ANKLE2: variants seen among roughly 807,000 people sequenced by gnomAD.
ANKLE2 encodes ankyrin repeat and LEM domain-containing protein 2.
A neutral mutation model predicts 84.2 loss-of-function variants in ANKLE2; 55 were observed. The ratio of observed to expected loss-of-function variants is 0.65; its 90% CI spans 0.53 to 0.82. The LOEUF (loss-of-function observed/expected upper bound fraction) is 0.82, where lower values mean the gene tolerates loss of function less well. Among genes scored for constraint, ANKLE2 ranks in the 40% least tolerant of loss-of-function variants. The pLI is 0.00. For synonymous variants in ANKLE2, 551 were observed against 486.1 expected (o/e 1.13, Z -1.76); for missense variants, 1,238 against 1,201.9 (o/e 1.03, Z -0.44).
chr12:132,755,095 G>T lies in ANKLE2; in HGVS notation c.220C>A (p.Leu74Ile), dbSNP rs764762501. ...TMDALLARLK[L>I]LNPDDLREEI... ...TCTCTAAGGTCATCTGGATTCAGAA[G>T]TTTCAATCGAGCCAACAGAGCATCC... The change falls in exon 2 of 13, where the codon CTT (leucine) becomes ATT (isoleucine). Residue 74 changes from leucine (L) to isoleucine (I), a missense_variant. Leu to Ile is a conservative substitution (Grantham distance 5). Transcript: ENST00000357997. 6 of 1,611,368 alleles carry T rather than the reference G, an allele frequency of 3.7e-6. No homozygotes were observed. Among genetic ancestry groups the T allele is most frequent in the Non-Finnish European group, 3.4e-6 (4 of 1,179,766 alleles).
In ANKLE2 at chr12:132,729,753, C is replaced by T. The variant is rs572111545; in HGVS notation, c.2409G>A (p.Leu803=). 1.2e-6 allele frequency: 2 copies of T among 1,611,770 alleles called. No individual in the cohort carries two copies. The highest frequency in any genetic ancestry group is 1.3e-5 in the African/African-American group (1 of 74,424). ...EMSARIAKMS[L]SPSSPRHEDQ... is the part of the protein sequence containing the mutation. ...CCTCGTGCCTGGGGCTGCTGGGACT[C>T]AAGGACATTTTAGCGATCCTGGCTG... is the stretch of plus-strand genomic sequence containing the variant. The change falls in exon 11 of 13, where the codon TTG becomes TTA. Residue 803 remains leucine (L), a synonymous_variant. Transcript: ENST00000357997.
At position 132,747,856 on chromosome 12, in the gene ANKLE2, C is replaced by G. The variant is rs1180388187; in HGVS notation, c.1206G>C (p.Leu402=). 2 of 1,607,106 alleles carry G rather than the reference C, an allele frequency of 1.2e-6. No homozygotes were observed. Among genetic ancestry groups the G allele is most frequent in the African/African-American group, 2.7e-5 (2 of 74,356 alleles). Residue 402 remains leucine (L), a synonymous_variant, in exon 5 of 13, where the codon CTG becomes CTC. Transcript: ENST00000357997. ...LQKRIRYVVD[L]YLNTPDKMGY... ...CCATCTTGTCGGGGGTGTTGAGGTA[C>G]AGGTCCACCACGTAACGGATACGCT...
chr12:132,747,788 A>C, intron 5 of ANKLE2, 44 bp downstream of exon 5: 1 of 1,567,176 alleles, frequency 6.4e-7, no homozygotes, highest in Non-Finnish European at 8.6e-7. Flanking sequence ...AAAGACTTTT[A>C]ACCAATTAAA....
rs897933199 is a variant in ANKLE2, at chr12:132,743,127, A to G, written c.1353+27T>C. On this transcript the variant is annotated intron_variant, in intron 6 of 12. Coordinates refer to ENST00000357997, the MANE Select transcript of ANKLE2 (RefSeq NM_015114.3). The surrounding 1 kb of genome is among the most constrained non-coding windows in gnomAD (Gnocchi z 4.1). ...TATATTTCCATTTCTAACTCTAGAT[A>G]GCAACTGCATTGTAATAAGTACTTA... The G allele has an allele frequency of 1.9e-6, 3 of 1,564,232 alleles. No individual in the cohort carries two copies. In the Admixed American group the frequency reaches 5.6e-5, roughly 29 times the overall value.
chr12:132,755,483 T>C lies in ANKLE2; in HGVS notation c.182-350A>G, dbSNP rs183005745. 6.8e-3 allele frequency: 1,077 copies of C among 158,640 alleles called. 7 individuals are homozygous for C. Among genetic ancestry groups the C allele is most frequent in the Non-Finnish European group, 9.3e-3 (713 of 76,380 alleles). 9.8% of individuals were successfully genotyped at this position (158,640 alleles called of 1,614,324 possible). ...TCGCTTGAACCCAGGAGGCGGAGGC[T>C]GCAATTAGCCGAGATCACACCCCTG... On this transcript the variant is annotated intron_variant, in intron 1 of 12. Coordinates refer to ENST00000357997, the MANE Select transcript of ANKLE2 (RefSeq NM_015114.3).
In ANKLE2 at chr12:132,729,886, T is replaced by TA. The variant is rs1179582418; in HGVS notation, c.2275_2276insT (p.Lys759IlefsTer35). 6.2e-7 allele frequency: 1 copy of TA among 1,613,688 alleles called. No homozygotes were observed. The highest frequency in any genetic ancestry group is 2.2e-5 in the East Asian group (1 of 44,830). On this transcript the variant is annotated frameshift_variant, in exon 11 of 13. Coordinates refer to ENST00000357997, the MANE Select transcript of ANKLE2 (RefSeq NM_015114.3). LOFTEE classifies it high-confidence loss of function. ...GATTCTTGAAGTCAGGATCTGATCTTTAGTTTTTGTACTTTCATCTGGTGT... is the reference window on the plus strand; with the variant it reads ...GATTCTTGAAGTCAGGATCTGATCTTATAGTTTTTGTACTTTCATCTGGTGT...
chr12:132,741,592 CTT>C, intron 6 of ANKLE2, 107 bp from the exon 7 acceptor site: 3 of 1,048,950 alleles, frequency 2.9e-6, no homozygotes, highest in Non-Finnish European at 4.3e-6. Flanking sequence ...AGAATAGTAT[CTT>C]AATGCTAAAG....
At chr12:132,728,956 A>T (rs1399764816) in intron 11 of ANKLE2, among the ~76,000 whole-genome samples, 1 of 152,174 alleles carries the variant, frequency 6.6e-6, no homozygotes, top group Non-Finnish European at 1.5e-5. Context: ...ATAACAGCCA[A>T]CACTAGGATC....
intron 5 of ANKLE2, among the ~76,000 whole-genome samples, chr12:132,746,659 A>C (rs1422283113): frequency 1.3e-5 from 2 of 152,330 alleles, no homozygotes; most frequent in African/African-American, 4.8e-5. Context: ...GAAATTAGGC[A>C]AAGCAGCTTT....
In ANKLE2 at chr12:132,750,561, C is replaced by T. The variant is rs117621224; in HGVS notation, c.847+82G>A. 0.017 allele frequency: 25,797 copies of T among 1,480,706 alleles called. 260 individuals carry two copies. Among genetic ancestry groups the T allele is most frequent in the Middle Eastern group, 0.035 (202 of 5,758 alleles). 91.7% of individuals were successfully genotyped at this position (1,480,706 alleles called of 1,614,324 possible). On this transcript the variant is annotated intron_variant, in intron 3 of 12. Transcript: ENST00000357997. Reference sequence around the variant, plus strand: ...CTACCCTCATGGAGAAAACAAGTTACCACATCAGAGGAAAGAAGGCACAAA... The same window carrying T: ...CTACCCTCATGGAGAAAACAAGTTATCACATCAGAGGAAAGAAGGCACAAA...
chr12:132,733,704 C>G (rs888845487), intron 10 of ANKLE2, among the ~76,000 whole-genome samples: 1 of 152,106 alleles, frequency 6.6e-6, no homozygotes, highest in Non-Finnish European at 1.5e-5. Flanking sequence ...CTGTGTGAAG[C>G]GCTCTGCGTC....
At chr12:132,742,810 T>TCAC (rs966065520) in intron 6 of ANKLE2, among the ~76,000 whole-genome samples, 8 of 388 alleles carry the variant, frequency 0.021, no homozygotes, top group African/African-American at 0.045. Context: ...ACCATCATCA[T>TCAC]CACCACCACC....
chr12:132,745,621 C>T lies in ANKLE2; in HGVS notation c.1230+2211G>A, dbSNP rs192143900. The stretch of plus-strand genomic sequence containing the variant: ...AAGCTCGGAGACGTAAGGAAATTTG[C>T]AACTTTCAAGTCGTTTGAAGACCAA... On this transcript the variant is annotated intron_variant, in intron 5 of 12. Transcript: ENST00000357997. The T allele has an allele frequency of 5.9e-3, 923 of 157,240 alleles. 4 individuals are homozygous for T. Among genetic ancestry groups the T allele is most frequent in the Non-Finnish European group, 8.3e-3 (579 of 70,038 alleles). The allele number at this position is 157,240 out of a possible 1,614,324, so 9.7% of individuals were successfully genotyped here.
At chr12:132,760,597 C>T (rs2044605624) in intron 1 of ANKLE2, 1 of 152,212 alleles carries the variant, frequency 6.6e-6, no homozygotes, top group Non-Finnish European at 1.5e-5. Context: ...GTTTTACTTA[C>T]ACTTACCAGC....
intron 9 of ANKLE2, chr12:132,735,138 C>T (rs989859802): frequency 5.0e-5 from 25 of 497,752 alleles, no homozygotes; most frequent in African/African-American, 2.0e-5. Context: ...TATTAAGGTT[C>T]CTTAGAAACA....
At chr12:132,745,306 C>A in intron 5 of ANKLE2, 1 of 192,172 alleles carries the variant, frequency 5.2e-6, no homozygotes, top group Non-Finnish European at 1.2e-5. Flanking sequence ...AGCTCAGGGC[C>A]CAGCTACCAA....
rs1294757872 is a variant in ANKLE2 at position 132,755,144 on chromosome 12, G to A, written c.182-11C>T. Reference sequence around the variant, plus strand: ...CCATTGTCATTTCACCTAGGCCCAAGACAAAAAAATCAAAGAGTCACAAAA... The same window carrying A: ...CCATTGTCATTTCACCTAGGCCCAAAACAAAAAAATCAAAGAGTCACAAAA... On this transcript the variant is annotated splice_polypyrimidine_tract_variant and intron_variant, in intron 1 of 12. Coordinates refer to ENST00000357997, the MANE Select transcript of ANKLE2 (RefSeq NM_015114.3). The A allele has an allele frequency of 5.1e-6, 8 of 1,578,530 alleles. No homozygotes were observed. The East Asian group carries it at 9.0e-5, about 18-fold the overall frequency.
intron 1 of ANKLE2, chr12:132,755,370 C>G (rs1424920409): frequency 2.6e-6 from 1 of 391,886 alleles, no homozygotes. Flanking sequence ...ATGGTGAAAC[C>G]ACGTCTCTAC....
intron 1 of ANKLE2, chr12:132,757,173 G>A (rs1176357268): frequency 6.6e-6 from 1 of 152,210 alleles, no homozygotes; most frequent in African/African-American, 2.4e-5. Context: ...GGCAGTAGAT[G>A]TTTTCACAAT....
Sources: allele counts gnomAD v4.1 joint callset (sites outside exome capture counted in the v4.1 genomes callset), GRCh38; gene constraint gnomAD v4.1.1; non-coding constraint Gnocchi (gnomAD v3.1); transcripts MANE v1.5; gene names NCBI Gene and HGNC (gene_info 2026-07-23, HGNC 2026-07-21).